Variants in COP1 observed in about 807,000 individuals in gnomAD.
COP1 encodes the protein E3 ubiquitin-protein ligase COP1.
In COP1, 24 loss-of-function variants were observed where a neutral mutation model predicts 101.3. That is an observed-to-expected ratio of 0.24 (90% CI 0.17 to 0.33). The LOEUF is 0.33. Among genes scored for constraint, COP1 ranks in the 10% least tolerant of loss-of-function variants. The pLI, the probability that COP1 is intolerant of heterozygous loss-of-function variation, is 1.00. For synonymous variants in COP1, 347 were observed against 341.9 expected (o/e 1.01, Z -0.17); for missense variants, 663 against 906.2 (o/e 0.73, Z 3.45).
chr1:176,033,705 G>A (rs1669018485), intron 14 of COP1, among the ~76,000 whole-genome samples: 1 of 151,902 alleles, frequency 6.6e-6, no homozygotes, highest in Non-Finnish European at 1.5e-5. Context: ...GTAATTACGT[G>A]CATATATACT....
chr1:176,135,189 G>A (rs919850416), intron 7 of COP1, 103 bp from the exon 8 acceptor site: 1 of 659,690 alleles, frequency 1.5e-6, no homozygotes, highest in East Asian at 2.9e-5. Flanking sequence ...GTTTTCATCA[G>A]TCCCTGTTTG....
intron 14 of COP1, among the ~76,000 whole-genome samples, chr1:176,040,220 C>T (rs975211772): frequency 3.3e-5 from 5 of 152,064 alleles, no homozygotes; most frequent in Non-Finnish European, 4.4e-5. Flanking sequence ...ATTTTTCTTT[C>T]TTTACTTTCT....
At chr1:176,107,736 C>T (rs571733158) in intron 9 of COP1, among the ~76,000 whole-genome samples, 7 of 152,210 alleles carry the variant, frequency 4.6e-5, no homozygotes, top group East Asian at 1.9e-4. Flanking sequence ...CCATTTTAAT[C>T]GAGTGATCAA....
intron 18 of COP1, among the ~76,000 whole-genome samples, chr1:175,969,758 A>G (rs1165712422): frequency 6.6e-6 from 1 of 152,188 alleles, no homozygotes; most frequent in Non-Finnish European, 1.5e-5. Context: ...TACAGCATGT[A>G]ACCAAAGAGT....
At chr1:176,120,858 A>C (rs774883967) in intron 8 of COP1, among the ~76,000 whole-genome samples, 1 of 152,184 alleles carries the variant, frequency 6.6e-6, no homozygotes, top group Non-Finnish European at 1.5e-5. Context: ...GAATGGTTTA[A>C]ATTTAAATTA....
chr1:175,957,038 T>G (rs1177965068), intron 18 of COP1, among the ~76,000 whole-genome samples: 1 of 152,126 alleles, frequency 6.6e-6, no homozygotes, highest in Non-Finnish European at 1.5e-5. Context: ...AATGTGTTTG[T>G]GTTTTAAGCT....
In COP1 at chr1:176,181,598, T is replaced by C. The variant is rs796748000; in HGVS notation, c.467+3035A>G. 3.3e-5 allele frequency among the ~76,000 whole-genome samples: 5 copies of C among 152,110 alleles called. 1 individual carries two copies. Among genetic ancestry groups the C allele is most frequent in the African/African-American group, 1.2e-4 (5 of 41,524 alleles). ...TGGCTCACGCTTGTAATCCCAGCAC[T>C]TTGGGAGGCCGAGGCGGGCGGATCA... On this transcript the variant is annotated intron_variant, in intron 2 of 19. Coordinates refer to ENST00000367669, the MANE Select transcript of COP1 (RefSeq NM_022457.7).
chr1:176,053,868 T>G (rs1571946034), intron 11 of COP1, among the ~76,000 whole-genome samples: 1 of 152,330 alleles, frequency 6.6e-6, no homozygotes, highest in Admixed American at 6.5e-5. Context: ...CATTCTCTTA[T>G]TTTTTGTACT....
At chr1:176,041,844 T>G (rs1414626611) in intron 14 of COP1, among the ~76,000 whole-genome samples, 1 of 152,036 alleles carries the variant, frequency 6.6e-6, no homozygotes, top group Non-Finnish European at 1.5e-5. Context: ...CCAGGTGCAG[T>G]GGCTCACATC....
intron 16 of COP1, 24 bp from the exon 17 acceptor site, chr1:175,988,436 G>C: frequency 3.9e-6 from 6 of 1,555,898 alleles, no homozygotes; most frequent in Non-Finnish European, 5.2e-6. Flanking sequence ...CAAAGAGTAA[G>C]AACTTACTTA....
chr1:176,122,552 T>C (rs1377691947), intron 8 of COP1, among the ~76,000 whole-genome samples: 1 of 152,130 alleles, frequency 6.6e-6, no homozygotes, highest in Non-Finnish European at 1.5e-5. Context: ...AGGAAAGACA[T>C]AGGGGTAATT....
intron 14 of COP1, among the ~76,000 whole-genome samples, chr1:176,041,367 A>T (rs1487061256): frequency 2.3e-4 from 5 of 21,782 alleles, no homozygotes; most frequent in Admixed American, 1.1e-3. Context: ...TTTTTTTTTG[A>T]GACAGAGTCT....
intron 6 of COP1, 126 bp from the exon 7 acceptor site, chr1:176,136,673 G>A (rs1689844282): frequency 1.7e-6 from 1 of 575,470 alleles, no homozygotes; most frequent in Non-Finnish European, 3.0e-6. Context: ...GGCACTAATG[G>A]CAAATTAACA....
intron 18 of COP1, among the ~76,000 whole-genome samples, chr1:175,973,506 A>G (rs1469254204): frequency 6.6e-6 from 1 of 152,218 alleles, no homozygotes; most frequent in Non-Finnish European, 1.5e-5. Flanking sequence ...AATGTTACAC[A>G]TTTTAAAGTA....
At chr1:176,039,956 T>C (rs540125982) in intron 14 of COP1, among the ~76,000 whole-genome samples, 2 of 152,032 alleles carry the variant, frequency 1.3e-5, no homozygotes, top group South Asian at 4.1e-4. Flanking sequence ...CTATAAAAAA[T>C]CTTTAAAAAC....
intron 8 of COP1, among the ~76,000 whole-genome samples, chr1:176,117,999 T>C (rs1686496120): frequency 1.3e-5 from 2 of 152,226 alleles, no homozygotes; most frequent in South Asian, 2.1e-4. Context: ...TGGTTCTATA[T>C]GTAAACATAC....
intron 2 of COP1, among the ~76,000 whole-genome samples, chr1:176,176,789 C>T (rs1411391395): frequency 1.3e-5 from 2 of 149,544 alleles, no homozygotes; most frequent in African/African-American, 4.9e-5. Flanking sequence ...GCCTGAGTGA[C>T]GGAATGAGAC....
intron 1 of COP1, among the ~76,000 whole-genome samples, chr1:176,191,842 T>TA (rs1293305568): frequency 6.6e-6 from 1 of 152,154 alleles, no homozygotes; most frequent in Non-Finnish European, 1.5e-5. Flanking sequence ...GACCTGTGTT[T>TA]AACATTGCCT....
At chr1:176,074,490 G>C (rs552222402) in intron 11 of COP1, among the ~76,000 whole-genome samples, 1 of 151,404 alleles carries the variant, frequency 6.6e-6, no homozygotes, top group African/African-American at 2.4e-5. Context: ...GTAATTAATA[G>C]AAAAAAAACG....
Sources: gnomAD v4.1 joint callset for allele counts (sites outside exome capture counted in the v4.1 genomes callset) on GRCh38, gnomAD v4.1.1 for gene constraint, MANE v1.5 for transcripts, NCBI Gene and HGNC (gene_info 2026-07-23, HGNC 2026-07-21) for gene names.